PLXNA4: variants seen among roughly 807,000 people sequenced by gnomAD.
PLXNA4 encodes plexin A4.
In PLXNA4, 44 loss-of-function variants were observed where a neutral mutation model predicts 191.8. The ratio of observed to expected loss-of-function variants is 0.23; its 90% CI spans 0.18 to 0.29. The LOEUF (loss-of-function observed/expected upper bound fraction) is 0.29, where lower values mean the gene tolerates loss of function less well. PLXNA4 is among the 10% of genes least tolerant of loss of function. The pLI, the probability that PLXNA4 is intolerant of heterozygous loss-of-function variation, is 1.00. For missense variants in PLXNA4, 1,800 were observed against 2,488.8 expected (o/e 0.72, Z 5.89); for synonymous variants, 1,082 against 1,009.5 (o/e 1.07, Z -1.36).
chr7:132,247,709 A>G (rs1476114488), intron 4 of PLXNA4, among the ~76,000 whole-genome samples: 1 of 152,134 alleles, frequency 6.6e-6, no homozygotes, highest in Admixed American at 6.5e-5. Context: ...CTGGCCAGGG[A>G]CCACATAAAG....
At chr7:132,172,779 A>AATG (rs1796331612) in intron 21 of PLXNA4, among the ~76,000 whole-genome samples, 1 of 151,558 alleles carries the variant, frequency 6.6e-6, no homozygotes, top group South Asian at 2.1e-4. Context: ...TAATAATAAT[A>AATG]ATAAAGTTAC....
At chr7:132,496,898 C>G (rs1798039315) in intron 2 of PLXNA4, among the ~76,000 whole-genome samples, 1 of 152,168 alleles carries the variant, frequency 6.6e-6, no homozygotes, top group Non-Finnish European at 1.5e-5. Context: ...CAAGGAGGCC[C>G]CTGACCACTC....
chr7:132,298,784 C>T, intron 3 of PLXNA4, among the ~76,000 whole-genome samples: 1 of 152,214 alleles, frequency 6.6e-6, no homozygotes, highest in East Asian at 1.9e-4. Context: ...CCATTAGGTC[C>T]TGAAACCTTC....
At chr7:132,186,306 T>A (rs1796876492) in intron 15 of PLXNA4, among the ~76,000 whole-genome samples, 1 of 152,208 alleles carries the variant, frequency 6.6e-6, no homozygotes, top group African/African-American at 2.4e-5. Flanking sequence ...AACCACTGGA[T>A]TGCTGTGCCT....
intron 22 of PLXNA4, among the ~76,000 whole-genome samples, chr7:132,167,248 A>G (rs1488500614): frequency 1.3e-5 from 2 of 152,344 alleles, no homozygotes; most frequent in East Asian, 3.9e-4. Flanking sequence ...CTATAAGGCG[A>G]AAGTCATAGG....
intron 28 of PLXNA4, 86 bp from the exon 29 acceptor site, chr7:132,145,374 G>A (rs575335118): frequency 2.6e-4 from 417 of 1,578,594 alleles, no homozygotes; most frequent in Admixed American, 3.9e-4. Flanking sequence ...GACCTAGGCA[G>A]GGGAGGATGG....
At position 132,127,968 on chromosome 7, in the gene PLXNA4, TTTGA is replaced by T. The variant is rs1447105541; in HGVS notation, c.*2507_*2510del. On this transcript the variant is annotated 3_prime_UTR_variant, in exon 32 of 32. Transcript: ENST00000321063. ...CTTTTTTCTTTTTTTTTTCTGCTTG[TTTGA>T]TTTTTTCTCTTAACTGTGCAAAAAA... 4 of 147,038 alleles carry T rather than the reference TTTGA, an allele frequency of 2.7e-5. No individual in the cohort carries two copies. Among genetic ancestry groups the T allele is most frequent in the South Asian group, 2.2e-4 (1 of 4,516 alleles). The allele number at this position is 147,038 out of a possible 1,614,324, so 9.1% of individuals were successfully genotyped here.
At chr7:132,606,545 G>C (rs1407014423) in intron 2 of PLXNA4, among the ~76,000 whole-genome samples, 1 of 152,162 alleles carries the variant, frequency 6.6e-6, no homozygotes, top group Admixed American at 6.5e-5. Context: ...GTTTCTCGTA[G>C]GCTAAATCGC....
At chr7:132,282,833 T>G (rs984162558) in intron 4 of PLXNA4, among the ~76,000 whole-genome samples, 3 of 151,862 alleles carry the variant, frequency 2.0e-5, no homozygotes, top group African/African-American at 7.3e-5. Context: ...TCCCCTAGAT[T>G]ATTGTGAAGT....
chr7:132,629,064 G>C (rs1563198798), intron 2 of PLXNA4, among the ~76,000 whole-genome samples: 1 of 152,288 alleles, frequency 6.6e-6, no homozygotes. Context: ...TGATTGATCA[G>C]GTATGCCCAG....
chr7:132,623,227 T>A (rs1386693233), intron 2 of PLXNA4, among the ~76,000 whole-genome samples: 5 of 151,828 alleles, frequency 3.3e-5, no homozygotes, highest in African/African-American at 1.2e-4. Flanking sequence ...GTGCCTGTAA[T>A]CCCAGGTACT....
Position 132,130,407 on chromosome 7 carries a change from G to A in PLXNA4, c.*72C>T. On this transcript the variant is annotated 3_prime_UTR_variant, in exon 32 of 32. Transcript: ENST00000321063. Reference sequence around the variant, plus strand: ...TGATGCCAGTCGGAACTTGCACTTGGTAAAGATGATAATCTAGACTGAGGC... The same window carrying A: ...TGATGCCAGTCGGAACTTGCACTTGATAAAGATGATAATCTAGACTGAGGC... 1 of 1,607,240 alleles carries A rather than the reference G, an allele frequency of 6.2e-7. No homozygotes were observed. Among genetic ancestry groups the A allele is most frequent in the Non-Finnish European group, 8.5e-7 (1 of 1,174,768 alleles).
intron 3 of PLXNA4, among the ~76,000 whole-genome samples, chr7:132,390,540 A>G (rs1805362292): frequency 6.6e-6 from 1 of 152,184 alleles, no homozygotes; most frequent in Non-Finnish European, 1.5e-5. Context: ...CGTTCTGCAT[A>G]TATACCCCAG....
At chr7:132,334,248 CTTTCTTTTTTTTT>C (rs1471799409) in intron 3 of PLXNA4, among the ~76,000 whole-genome samples, 1 of 99,746 alleles carries the variant, frequency 1.0e-5, no homozygotes, top group African/African-American at 4.1e-5. Flanking sequence ...TTCTTTCTTT[CTTTCTTTTTTTTT>C]TTTTTTTTTT....
chr7:132,215,477 T>C (rs756890565), intron 9 of PLXNA4, among the ~76,000 whole-genome samples: 6 of 152,240 alleles, frequency 3.9e-5, no homozygotes, highest in Non-Finnish European at 1.5e-5. Context: ...CTAAAACCTT[T>C]GGAGTTTTCT....
intron 20 of PLXNA4, among the ~76,000 whole-genome samples, chr7:132,177,627 GAGC>G (rs765057227): frequency 2.6e-5 from 4 of 152,200 alleles, no homozygotes; most frequent in Non-Finnish European, 5.9e-5. Flanking sequence ...GGCCCACAGG[GAGC>G]AGAAGGAGGG....
Position 132,133,092 on chromosome 7 carries a change from G to A in PLXNA4, c.5546C>T (p.Ala1849Val), listed in dbSNP as rs1795016106. The A allele has an allele frequency of 2.5e-6, 4 of 1,614,164 alleles. No individual in the cohort carries two copies. Among genetic ancestry groups the A allele is most frequent in the Admixed American group, 1.7e-5 (1 of 60,024 alleles). Residue 1849 changes from alanine (A) to valine (V), a missense_variant, in exon 31 of 32, where the codon GCA becomes GTA. Ala to Val is a moderately conservative substitution (Grantham distance 64). Coordinates refer to ENST00000321063, the MANE Select transcript of PLXNA4 (RefSeq NM_020911.2). ...MHMNEFNTMS[A>V]LSEIFSYVGK... is the part of the protein sequence containing the mutation. ...CACATAGGAGAAGATCTCTGAGAGT[G>A]CACTCATGGTGTTGAACTCATTCAT...
chr7:132,505,406 A>T (rs572428088), intron 2 of PLXNA4, among the ~76,000 whole-genome samples: 1 of 152,304 alleles, frequency 6.6e-6, no homozygotes, highest in African/African-American at 2.4e-5. Flanking sequence ...TCGCCCAAAA[A>T]GTCAGGGTTT....
chr7:132,562,170 C>T, intron 1 of PLXNA4, among the ~76,000 whole-genome samples: 1 of 124,960 alleles, frequency 8.0e-6, no homozygotes, highest in Admixed American at 7.9e-5. Flanking sequence ...TCTCCTCCTC[C>T]TCTTTCTCCT....
Sources: allele counts gnomAD v4.1 joint callset (sites outside exome capture counted in the v4.1 genomes callset), GRCh38; gene constraint gnomAD v4.1.1; transcripts MANE v1.5; gene names NCBI Gene and HGNC (gene_info 2026-07-23, HGNC 2026-07-21).